CAMK2D: variants seen among roughly 807,000 people sequenced by gnomAD.
CAMK2D encodes the protein calcium/calmodulin dependent protein kinase II delta, also known as calcium/calmodulin-dependent protein kinase type II subunit delta.
CAMK2D carries 37 observed loss-of-function variants against 84.0 expected under a neutral mutation model. The ratio of observed to expected loss-of-function variants is 0.44; its 90% CI spans 0.34 to 0.58. The LOEUF (loss-of-function observed/expected upper bound fraction) is 0.58. Among genes scored for constraint, CAMK2D ranks in the 20% least tolerant of loss-of-function variants. CAMK2D has a pLI of 0.02. For synonymous variants in CAMK2D, 202 were observed against 212.5 expected (o/e 0.95, Z 0.43); for missense variants, 448 against 652.5 (o/e 0.69, Z 3.41).
intron 4 of CAMK2D, among the ~76,000 whole-genome samples, chr4:113,557,958 T>C (rs2098676418): frequency 6.6e-6 from 1 of 152,224 alleles, no homozygotes; most frequent in Non-Finnish European, 1.5e-5. Flanking sequence ...GATGGGGCAT[T>C]AGGCTTCCCT....
chr4:113,706,787 A>G (rs2099458766), intron 2 of CAMK2D, among the ~76,000 whole-genome samples: 1 of 152,224 alleles, frequency 6.6e-6, no homozygotes, highest in African/African-American at 2.4e-5. Context: ...GTATATTAGA[A>G]AACTCTACGT....
intron 14 of CAMK2D, among the ~76,000 whole-genome samples, chr4:113,503,705 C>G (rs1485121577): frequency 2.6e-5 from 4 of 152,162 alleles, no homozygotes; most frequent in Non-Finnish European, 4.4e-5. Context: ...TACAGGATAT[C>G]TGGCTATAAA....
intron 4 of CAMK2D, among the ~76,000 whole-genome samples, chr4:113,592,451 C>T (rs1280050780): frequency 3.3e-5 from 5 of 152,148 alleles, no homozygotes; most frequent in African/African-American, 1.2e-4. Context: ...AACCATCTGA[C>T]CCAGAAGCTG....
intron 2 of CAMK2D, among the ~76,000 whole-genome samples, chr4:113,748,149 A>C (rs964006880): frequency 6.6e-6 from 1 of 152,098 alleles, no homozygotes; most frequent in Non-Finnish European, 1.5e-5. Flanking sequence ...CTCAGAACCC[A>C]GTAAACACTC....
intron 9 of CAMK2D, 121 bp from the exon 10 acceptor site, chr4:113,515,312 A>G (rs1400255908): frequency 9.6e-6 from 6 of 627,230 alleles, no homozygotes; most frequent in African/African-American, 5.5e-5. Context: ...TACTTTTTAT[A>G]TAAGTTAAGT....
rs934768632 is a variant in CAMK2D at position 113,754,003 on chromosome 4, T to A, written c.160+5317A>T. On this transcript the variant is annotated intron_variant, in intron 2 of 20. Coordinates refer to ENST00000511664, the MANE Select transcript of CAMK2D (RefSeq NM_001321571.2). ...TTAGGTAGATAGCCTTTATTTTTCCTAACACTGTCCACTGAAATCATTTAA... is the reference window on the plus strand; with the variant it reads ...TTAGGTAGATAGCCTTTATTTTTCCAAACACTGTCCACTGAAATCATTTAA... 4 of 958,536 alleles carry A rather than the reference T, an allele frequency of 4.2e-6. No individual in the cohort carries two copies. In the African/African-American group the frequency reaches 7.1e-5, roughly 17 times the overall value. The allele number at this position is 958,536 out of a possible 1,614,324, so 59.4% of individuals were successfully genotyped here.
intron 8 of CAMK2D, among the ~76,000 whole-genome samples, chr4:113,526,681 T>A (rs1473472589): frequency 1.3e-5 from 2 of 151,980 alleles, no homozygotes; most frequent in Non-Finnish European, 2.9e-5. Flanking sequence ...TGAACTGTAT[T>A]ACAGAAATGT....
intron 2 of CAMK2D, among the ~76,000 whole-genome samples, chr4:113,707,115 C>T (rs1478606532): frequency 6.6e-6 from 1 of 152,084 alleles, no homozygotes; most frequent in Admixed American, 6.6e-5. Context: ...AGCGAGCCAC[C>T]ATTCTCGTTG....
chr4:113,621,960 A>G (rs1288003817), intron 3 of CAMK2D, among the ~76,000 whole-genome samples: 1 of 152,218 alleles, frequency 6.6e-6, no homozygotes, highest in Non-Finnish European at 1.5e-5. Flanking sequence ...CTTCATCTAT[A>G]TGGGGCTACT....
chr4:113,544,652 T>A (rs545860609), intron 6 of CAMK2D, among the ~76,000 whole-genome samples: 2 of 152,326 alleles, frequency 1.3e-5, no homozygotes, highest in Admixed American at 1.3e-4. Flanking sequence ...ATAAATGGCA[T>A]CTTTTACCAT....
chr4:113,675,276 T>A (rs985920717), intron 2 of CAMK2D, among the ~76,000 whole-genome samples: 1 of 152,192 alleles, frequency 6.6e-6, no homozygotes, highest in Non-Finnish European at 1.5e-5. Flanking sequence ...ATACCACTAT[T>A]TACATTTTGA....
At chr4:113,646,166 C>T (rs1372864543) in intron 3 of CAMK2D, among the ~76,000 whole-genome samples, 1 of 152,070 alleles carries the variant, frequency 6.6e-6, no homozygotes, top group Admixed American at 6.5e-5. Context: ...AACAGCTGTG[C>T]CATAAGTTAA....
chr4:113,474,659 T>G (rs1336430160), intron 16 of CAMK2D, among the ~76,000 whole-genome samples: 1 of 152,118 alleles, frequency 6.6e-6, no homozygotes, highest in African/African-American at 2.4e-5. Flanking sequence ...ATTTGTTTAT[T>G]TTTTGAGAAG....
intron 2 of CAMK2D, among the ~76,000 whole-genome samples, chr4:113,737,665 A>G (rs940473154): frequency 6.6e-6 from 1 of 152,200 alleles, no homozygotes; most frequent in Non-Finnish European, 1.5e-5. Context: ...TTTCCATAAT[A>G]TAAAAAATCT....
At chr4:113,506,774 T>G (rs2098132727) in intron 13 of CAMK2D, among the ~76,000 whole-genome samples, 1 of 152,214 alleles carries the variant, frequency 6.6e-6, no homozygotes, top group Non-Finnish European at 1.5e-5. Context: ...ATTTCTATTT[T>G]GGGATATGAT....
intron 2 of CAMK2D, among the ~76,000 whole-genome samples, chr4:113,718,550 C>T (rs2099520563): frequency 6.6e-6 from 1 of 152,178 alleles, no homozygotes; most frequent in Admixed American, 6.6e-5. Context: ...CTTGCAGCCT[C>T]CAACTGTATG....
intron 2 of CAMK2D, chr4:113,755,054 C>T: frequency 1.0e-6 from 1 of 984,542 alleles, no homozygotes; most frequent in Non-Finnish European, 1.2e-6. Context: ...AGACAAGTAA[C>T]CATGAAGTTG....
intron 2 of CAMK2D, among the ~76,000 whole-genome samples, chr4:113,740,731 C>T (rs774161088): frequency 7.2e-5 from 11 of 152,048 alleles, no homozygotes; most frequent in Non-Finnish European, 1.3e-4. Flanking sequence ...ACAACCTTTC[C>T]ATCAGCAAGT....
chr4:113,712,283 T>C (rs1490413020), intron 2 of CAMK2D, among the ~76,000 whole-genome samples: 2 of 152,130 alleles, frequency 1.3e-5, no homozygotes, highest in African/African-American at 4.8e-5. Context: ...TGTCCAAGAA[T>C]GACCCAGGAA....
Sources: gnomAD v4.1 joint callset for allele counts (sites outside exome capture counted in the v4.1 genomes callset) on GRCh38, gnomAD v4.1.1 for gene constraint, MANE v1.5 for transcripts, NCBI Gene and HGNC (gene_info 2026-07-23, HGNC 2026-07-21) for gene names.